Variants in POT1 observed in about 807,000 individuals in gnomAD.
POT1 encodes the protein protection of telomeres 1, also known as protection of telomeres protein 1.
A neutral mutation model predicts 78.5 loss-of-function variants in POT1; 47 were observed. The ratio of observed to expected loss-of-function variants is 0.60; its 90% CI spans 0.47 to 0.76. POT1 has a LOEUF of 0.76. Among genes scored for constraint, POT1 ranks in the 30% least tolerant of loss-of-function variants. POT1 has a pLI of 0.00. For missense variants in POT1, 646 were observed against 749.9 expected (o/e 0.86, Z 1.62); for synonymous variants, 259 against 260.7 (o/e 0.99, Z 0.06).
chr7:124,925,824 T>C (rs2116724812), intron 2 of POT1, among the ~76,000 whole-genome samples: 1 of 152,276 alleles, frequency 6.6e-6, no homozygotes, highest in Admixed American at 6.5e-5. Context: ...CCAACTGATC[T>C]ATGACAAAGA....
chr7:124,844,547 T>C (rs923776307), intron 12 of POT1, among the ~76,000 whole-genome samples: 2 of 150,372 alleles, frequency 1.3e-5, no homozygotes, highest in Admixed American at 1.3e-4. Flanking sequence ...CCATCCTGGC[T>C]AACACGGTGA....
In POT1 at chr7:124,824,124, A is replaced by G. The variant is rs770285819; in HGVS notation, c.1793-50T>C. 4.3e-6 allele frequency: 5 copies of G among 1,171,928 alleles called. No homozygotes were observed. The East Asian group carries it at 7.4e-5, about 17-fold the overall frequency. The allele number at this position is 1,171,928 out of a possible 1,614,324, so 72.6% of individuals were successfully genotyped here. On this transcript the variant is annotated intron_variant, in intron 18 of 18. Coordinates refer to ENST00000357628, the MANE Select transcript of POT1 (RefSeq NM_015450.3). ...CGATTTAACCATTAAAACAAAATAA[A>G]TAACTCTGAAATAGGTACCTAAGCT...
chr7:124,824,289 T>C (rs368745076), intron 18 of POT1, among the ~76,000 whole-genome samples: 1 of 151,962 alleles, frequency 6.6e-6, no homozygotes, highest in East Asian at 1.9e-4. Flanking sequence ...CTAATTTGAA[T>C]TTTTTGCCAC....
At chr7:124,833,488 T>G (rs1183042259) in intron 15 of POT1, among the ~76,000 whole-genome samples, 1 of 152,184 alleles carries the variant, frequency 6.6e-6, no homozygotes, top group Admixed American at 6.5e-5. Context: ...CCAGGGTGAT[T>G]GTTTCATCAA....
chr7:124,853,248 G>A, intron 9 of POT1, 110 bp from the exon 10 acceptor site: 1 of 768,838 alleles, frequency 1.3e-6, no homozygotes, highest in South Asian at 1.9e-5. Flanking sequence ...GACCAGTCAG[G>A]AAATATACTA....
rs1463377098 is a variant in POT1, at chr7:124,863,605, G to A, written c.291C>T (p.Thr97=). The part of the protein sequence containing the change: ...QVYKKETQGI[T]SSGFASLTFE... Reference sequence around the variant, plus strand: ...ACGTCAAAGATGCAAAGCCAGAGCTGGTGATACCCTGAGTCTCCTTTTTAT... The same window carrying A: ...ACGTCAAAGATGCAAAGCCAGAGCTAGTGATACCCTGAGTCTCCTTTTTAT... The change falls in exon 8 of 19, where the codon ACC becomes ACT. Residue 97 remains threonine, a synonymous_variant. Coordinates refer to ENST00000357628, the MANE Select transcript of POT1 (RefSeq NM_015450.3). The A allele has an allele frequency of 6.2e-7, 1 of 1,613,454 alleles. No homozygotes were observed. Among genetic ancestry groups the A allele is most frequent in the East Asian group, 2.2e-5 (1 of 44,870 alleles).
At chr7:124,870,095 T>C (rs1795831185) in intron 7 of POT1, among the ~76,000 whole-genome samples, 1 of 151,968 alleles carries the variant, frequency 6.6e-6, no homozygotes, top group Non-Finnish European at 1.5e-5. Context: ...AGAGGTTACA[T>C]GGAAACCCAT....
At chr7:124,912,287 C>T (rs772899571) in intron 3 of POT1, among the ~76,000 whole-genome samples, 7 of 151,928 alleles carry the variant, frequency 4.6e-5, no homozygotes, top group Non-Finnish European at 8.8e-5. Flanking sequence ...GGTTTTAACT[C>T]CAAGTCACAC....
chr7:124,920,568 T>A (rs190367554), intron 2 of POT1, among the ~76,000 whole-genome samples: 3 of 152,126 alleles, frequency 2.0e-5, no homozygotes, highest in Admixed American at 2.0e-4. Context: ...TTTAATAAAA[T>A]TCAAAAAACA....
chr7:124,879,408 A>C (rs919050394), intron 6 of POT1, among the ~76,000 whole-genome samples: 6 of 152,186 alleles, frequency 3.9e-5, no homozygotes, highest in African/African-American at 1.4e-4. Flanking sequence ...GGAATCATGA[A>C]GAAAATCTGC....
intron 8 of POT1, among the ~76,000 whole-genome samples, chr7:124,862,166 C>T (rs777000305): frequency 1.3e-5 from 2 of 152,098 alleles, no homozygotes; most frequent in South Asian, 2.1e-4. Context: ...AAAAAGTTAT[C>T]TGTTACAATG....
chr7:124,897,160 C>A lies in POT1; in HGVS notation c.9+5G>T. The A allele has an allele frequency of 6.9e-7, 1 of 1,449,930 alleles. No homozygotes were observed. Among genetic ancestry groups the A allele is most frequent in the East Asian group, 2.3e-5 (1 of 42,666 alleles). The allele number at this position is 1,449,930 out of a possible 1,614,324, so 89.8% of individuals were successfully genotyped here. On this transcript the variant is annotated splice_donor_5th_base_variant and intron_variant, in intron 5 of 18. Transcript: ENST00000357628. ...TACTCTAAATTAAACTGAATATCAT[C>A]TTACCAAAGACATTGATTCTGTAGA...
chr7:124,909,145 T>G (rs1027207924), intron 3 of POT1, among the ~76,000 whole-genome samples: 5 of 151,904 alleles, frequency 3.3e-5, no homozygotes, highest in Admixed American at 2.0e-4. Context: ...TGGGGTAATT[T>G]TTTTTAACTT....
chr7:124,912,794 T>G (rs1796921866), intron 3 of POT1, among the ~76,000 whole-genome samples: 2 of 152,128 alleles, frequency 1.3e-5, no homozygotes, highest in Non-Finnish European at 2.9e-5. Context: ...TACAAAAGAC[T>G]AGCAAGGTAT....
chr7:124,866,925 TG>T (rs1192536737), intron 7 of POT1, among the ~76,000 whole-genome samples: 2 of 152,222 alleles, frequency 1.3e-5, no homozygotes, highest in Non-Finnish European at 2.9e-5. Context: ...AACTTTTAAA[TG>T]GGTTCTACTT....
At chr7:124,915,971 A>ATAAAATGATGT (rs1797005421) in intron 2 of POT1, among the ~76,000 whole-genome samples, 1 of 152,156 alleles carries the variant, frequency 6.6e-6, no homozygotes, top group Non-Finnish European at 1.5e-5. Flanking sequence ...CTACAAAACA[A>ATAAAATGATGT]TAAAATGATG....
chr7:124,897,022 T>C (rs1796507317), intron 5 of POT1, 143 bp downstream of exon 5: 2 of 420,788 alleles, frequency 4.8e-6, no homozygotes, highest in East Asian at 7.3e-5. Flanking sequence ...TATAAAAAAG[T>C]AAAGATTATG....
chr7:124,922,245 A>G (rs1057250170), intron 2 of POT1, among the ~76,000 whole-genome samples: 2 of 152,098 alleles, frequency 1.3e-5, no homozygotes, highest in Non-Finnish European at 2.9e-5. Context: ...GAAATGGTAG[A>G]TATTTTTCAC....
chr7:124,903,104 T>C lies in POT1; in HGVS notation c.-153-4730A>G, dbSNP rs1796664913. Among the ~76,000 whole-genome samples the C allele has an allele frequency of 2.0e-5, 3 of 152,072 alleles. No homozygotes were observed. The South Asian group carries it at 6.2e-4, about 32-fold the overall frequency. Reference sequence around the variant, plus strand: ...GACTTTAACACCCCACTGTCAACATTAGACAGATCAAAGAGATAGAAAGTT... The same window carrying C: ...GACTTTAACACCCCACTGTCAACATCAGACAGATCAAAGAGATAGAAAGTT... On this transcript the variant is annotated intron_variant, in intron 3 of 18. Transcript: ENST00000357628.
Sources: gnomAD v4.1 joint callset for allele counts (sites outside exome capture counted in the v4.1 genomes callset) on GRCh38, gnomAD v4.1.1 for gene constraint, MANE v1.5 for transcripts, NCBI Gene and HGNC (gene_info 2026-07-23, HGNC 2026-07-21) for gene names.